Variants in ANKRD13A observed in about 807,000 individuals in gnomAD.
The protein encoded by ANKRD13A is ankyrin repeat domain-containing protein 13A.
A neutral mutation model predicts 81.3 loss-of-function variants in ANKRD13A; 48 were observed. The observed-to-expected ratio is 0.59, with a 90% confidence interval of 0.47 to 0.75. The LOEUF is 0.75. Among genes scored for constraint, ANKRD13A ranks in the 30% least tolerant of loss-of-function variants. The pLI is 0.00. For missense variants in ANKRD13A, 612 were observed against 734.0 expected, an observed-to-expected ratio of 0.83 and a Z score of 1.92; for synonymous variants, 230 against 270.1, an observed-to-expected ratio of 0.85 and a Z score of 1.45.
At chr12:110,007,378 TTTTG>T (rs903653407) in intron 1 of ANKRD13A, among the ~76,000 whole-genome samples, 9 of 152,250 alleles carry the variant, frequency 5.9e-5, no homozygotes, top group Admixed American at 1.3e-4. Context: ...TTGAGGTTTT[TTTTG>T]TTTGTTTGTT....
rs1182929875 is a variant in ANKRD13A at position 110,033,889 on chromosome 12, C to T, written c.1441C>T (p.Gln481Ter). ...VQDNGRNVHL[Q>*]DEDYEIMQFA... ...AGACAATGGCAGAAATGTGCATTTG[C>T]AAGATGAAGATTACGAGATAATGCA... is the stretch of plus-strand genomic sequence containing the variant. The change falls in exon 13 of 15, where the codon CAA (glutamine) becomes TAA (stop). Residue 481 changes from glutamine to a stop codon, truncating the protein, a stop_gained. Transcript: ENST00000261739. LOFTEE classifies it high-confidence loss of function. The T allele has an allele frequency of 1.9e-6, 3 of 1,613,494 alleles. No homozygotes were observed. Among genetic ancestry groups the T allele is most frequent in the Non-Finnish European group, 2.5e-6 (3 of 1,179,758 alleles).
Position 110,036,384 on chromosome 12 carries a change from G to A in ANKRD13A, c.1577+56G>A. 1 of 1,564,010 alleles carries A rather than the reference G, an allele frequency of 6.4e-7. No homozygotes were observed. The highest frequency in any genetic ancestry group is 8.8e-7 in the Non-Finnish European group (1 of 1,134,924). ...CAGGGTGAACACAGGCCTGGACACAGGCGAGCAGACGCGTGGCACTGTGCA... is the reference window on the plus strand; with the variant it reads ...CAGGGTGAACACAGGCCTGGACACAAGCGAGCAGACGCGTGGCACTGTGCA... On this transcript the variant is annotated intron_variant, in intron 14 of 14. Transcript: ENST00000261739. This position sits in a 1 kb window ranked among gnomAD's most constrained non-coding sequence, Gnocchi z 4.6.
At chr12:110,005,102 A>G (rs1048668100) in intron 1 of ANKRD13A, among the ~76,000 whole-genome samples, 4 of 152,172 alleles carry the variant, frequency 2.6e-5, no homozygotes, top group African/African-American at 9.7e-5. Flanking sequence ...GAGTTATGCA[A>G]CTATCACTAC....
At chr12:110,020,917 G>A (rs1029593140) in intron 6 of ANKRD13A, among the ~76,000 whole-genome samples, 1 of 152,226 alleles carries the variant, frequency 6.6e-6, no homozygotes, top group African/African-American at 2.4e-5. Context: ...CTCTTAAGAT[G>A]TCTTGAGAAG....
In ANKRD13A at chr12:110,025,842, C is replaced by T. The variant is rs749787531; in HGVS notation, c.883+19C>T. ...TATAAAGGTAATCACCACCACCCTC[C>T]CACCTCCTGTTTTGTTGTTATTTTT... On this transcript the variant is annotated intron_variant, in intron 8 of 14. Coordinates refer to ENST00000261739, the MANE Select transcript of ANKRD13A (RefSeq NM_033121.2). 4 of 1,601,406 alleles carry T rather than the reference C, an allele frequency of 2.5e-6. No individual in the cohort carries two copies.
intron 1 of ANKRD13A, among the ~76,000 whole-genome samples, chr12:110,009,790 T>TA (rs1890421941): frequency 6.6e-6 from 1 of 152,240 alleles, no homozygotes; most frequent in East Asian, 1.9e-4. Flanking sequence ...GTTAACATCG[T>TA]AATGTATTTG....
At position 110,036,474 on chromosome 12, in the gene ANKRD13A, G is replaced by C; in HGVS notation, c.1577+146G>C. Reference sequence around the variant, plus strand: ...GGAAAGACTAGAAAAAGTAGGCCAGGAGCGGTGGCTCACGCCTATAATCCC... The same window carrying C: ...GGAAAGACTAGAAAAAGTAGGCCAGCAGCGGTGGCTCACGCCTATAATCCC... On this transcript the variant is annotated intron_variant, in intron 14 of 14. Coordinates refer to ENST00000261739, the MANE Select transcript of ANKRD13A (RefSeq NM_033121.2). The surrounding 1 kb of genome is among the most constrained non-coding windows in gnomAD (Gnocchi z 4.6). 3 of 885,250 alleles carry C rather than the reference G, an allele frequency of 3.4e-6. No homozygotes were observed. The highest frequency in any genetic ancestry group is 2.9e-5 in the South Asian group (2 of 69,740). 54.8% of individuals were successfully genotyped at this position (885,250 alleles called of 1,614,324 possible). A position where few individuals can be genotyped will look rare whatever the true frequency, so the allele number is the denominator to read the frequency against.
Position 110,027,778 on chromosome 12 carries a change from C to G in ANKRD13A, c.945+12C>G. On this transcript the variant is annotated intron_variant, in intron 9 of 14. Transcript: ENST00000261739. ...TTGGTGCACAAGGGGTAAGTTGAAG[C>G]AATGAGCTTTCATTGCAGTTAGATG... 1 of 1,613,856 alleles carries G rather than the reference C, an allele frequency of 6.2e-7. No individual in the cohort carries two copies. Among genetic ancestry groups the G allele is most frequent in the Non-Finnish European group, 8.5e-7 (1 of 1,179,768 alleles).
In ANKRD13A at chr12:110,036,093, G is replaced by A. The variant is rs1160437426; in HGVS notation, c.1510-168G>A. ...GTGGCATGTTACTACCTCCCACTTA[G>A]GTGTTGTTTTTGAGGTAACCCAAGT... On this transcript the variant is annotated intron_variant, in intron 13 of 14. Transcript: ENST00000261739. The surrounding 1 kb of genome is among the most constrained non-coding windows in gnomAD (Gnocchi z 4.6). 2 of 616,746 alleles carry A rather than the reference G, an allele frequency of 3.2e-6. No individual in the cohort carries two copies. Among genetic ancestry groups the A allele is most frequent in the Non-Finnish European group, 5.9e-6 (2 of 338,406 alleles). The allele number at this position is 616,746 out of a possible 1,614,324, so 38.2% of individuals were successfully genotyped here. A position where few individuals can be genotyped will look rare whatever the true frequency, so the allele number is the denominator to read the frequency against.
chr12:110,028,264 T>A, intron 9 of ANKRD13A: 1 of 405,222 alleles, frequency 2.5e-6, no homozygotes, highest in Non-Finnish European at 4.4e-6. Context: ...TTTTTTTCTT[T>A]GTTATAATCA....
At chr12:110,011,241 G>T (rs959534768) in intron 1 of ANKRD13A, among the ~76,000 whole-genome samples, 1 of 152,222 alleles carries the variant, frequency 6.6e-6, no homozygotes, top group African/African-American at 2.4e-5. Context: ...AAATTGCTGC[G>T]TGGCTCTGGA....
Position 110,033,798 on chromosome 12 carries a change from T to A in ANKRD13A, c.1350T>A (p.Ala450=), listed in dbSNP as rs764757402. The change falls in exon 13 of 15, where the codon GCT becomes GCA. Residue 450 remains alanine (A), a splice_region_variant and synonymous_variant. Transcript: ENST00000261739. The part of the protein sequence containing the change: ...QNVEGTQADS[A]SHITNFEVDQ... ...CTGGACGGTTGCCTTTTGTTTCAGC[T>A]TCCCACATCACAAACTTTGAGGTTG... The A allele has an allele frequency of 6.3e-6, 10 of 1,596,092 alleles. No individual in the cohort carries two copies. Among genetic ancestry groups the A allele is most frequent in the Non-Finnish European group, 8.6e-6 (10 of 1,169,436 alleles).
intron 1 of ANKRD13A, among the ~76,000 whole-genome samples, chr12:110,006,681 C>T (rs901642933): frequency 2.0e-5 from 3 of 151,848 alleles, no homozygotes; most frequent in African/African-American, 7.3e-5. Context: ...ACCACAACCT[C>T]CGCCTCCCAG....
Position 109,999,899 on chromosome 12 carries a change from C to T in ANKRD13A, c.96+115C>T. 1 of 947,452 alleles carries T rather than the reference C, an allele frequency of 1.1e-6. No homozygotes were observed. The highest frequency in any genetic ancestry group is 1.5e-6 in the Non-Finnish European group (1 of 666,244). The allele number at this position is 947,452 out of a possible 1,614,324, so 58.7% of individuals were successfully genotyped here. ...GTCCCCGGGATCCCCAGACCCCTTC[C>T]ACTTTGCAGGTGTGGGACAGTCCTA... is the stretch of plus-strand genomic sequence containing the variant. On this transcript the variant is annotated intron_variant, in intron 1 of 14. Transcript: ENST00000261739. The surrounding 1 kb of genome is among the most constrained non-coding windows in gnomAD (Gnocchi z 4.3).
chr12:110,016,324 C>A (rs1233521632), intron 3 of ANKRD13A, 64 bp from the exon 4 acceptor site: 2 of 1,265,524 alleles, frequency 1.6e-6, no homozygotes, highest in Non-Finnish European at 2.2e-6. Context: ...CCCTGTTAAC[C>A]CCTGCTTATG....
chr12:110,036,314 C>A lies in ANKRD13A; in HGVS notation c.1563C>A (p.Asp521Glu). ...NGGISQTNTY[D>E]AQYERAIQES... Reference sequence around the variant, plus strand: ...GGATCAGCCAGACAAACACCTATGACGCCCAGTATGAGAGGTGATTGACTG... The same window carrying A: ...GGATCAGCCAGACAAACACCTATGAAGCCCAGTATGAGAGGTGATTGACTG... Residue 521 changes from aspartate to glutamate, a missense_variant, in exon 14 of 15, where the codon GAC (aspartate) becomes GAA (glutamate). Coordinates refer to ENST00000261739, the MANE Select transcript of ANKRD13A (RefSeq NM_033121.2). The surrounding 1 kb of genome is among the most constrained non-coding windows in gnomAD (Gnocchi z 4.6). 1.2e-6 allele frequency: 2 copies of A among 1,613,962 alleles called. No homozygotes were observed. The highest frequency in any genetic ancestry group is 1.7e-6 in the Non-Finnish European group (2 of 1,179,878).
At chr12:110,006,032 G>A (rs1009229284) in intron 1 of ANKRD13A, among the ~76,000 whole-genome samples, 1 of 152,274 alleles carries the variant, frequency 6.6e-6, no homozygotes, top group African/African-American at 2.4e-5. Context: ...GGCCAGGCTG[G>A]TCTTGAACTC....
At chr12:110,010,169 G>A (rs1890442515) in intron 1 of ANKRD13A, among the ~76,000 whole-genome samples, 1 of 152,160 alleles carries the variant, frequency 6.6e-6, no homozygotes, top group South Asian at 2.1e-4. Flanking sequence ...GCCTGGCTGA[G>A]TTTGAGTGTT....
chr12:110,012,189 C>T, intron 2 of ANKRD13A, 52 bp downstream of exon 2: 1 of 1,536,474 alleles, frequency 6.5e-7, no homozygotes, highest in South Asian at 1.2e-5. Flanking sequence ...CATGGTGAAA[C>T]CCTGTCTCTA....
Sources: gnomAD v4.1 joint callset for allele counts (sites outside exome capture counted in the v4.1 genomes callset) on GRCh38, gnomAD v4.1.1 for gene constraint, Gnocchi (gnomAD v3.1) non-coding constraint, MANE v1.5 for transcripts, NCBI Gene and HGNC (gene_info 2026-07-23, HGNC 2026-07-21) for gene names.